Variants in PREX1 observed in about 807,000 individuals in gnomAD.
PREX1 encodes phosphatidylinositol-3,4,5-trisphosphate dependent Rac exchange factor 1.
In PREX1, 41 loss-of-function variants were observed where a neutral mutation model predicts 198.3. The observed-to-expected ratio is 0.21, with a 90% CI of 0.16 to 0.27. The LOEUF (loss-of-function observed/expected upper bound fraction) is 0.27, where lower values mean the gene tolerates loss of function less well. PREX1 is among the 10% of genes least tolerant of loss of function. The pLI is 1.00. For missense variants in PREX1, 1,620 were observed against 2,200.7 expected, an observed-to-expected ratio of 0.74 and a Z score of 5.28; for synonymous variants, 843 against 887.2, an observed-to-expected ratio of 0.95 and a Z score of 0.89.
chr20:48,645,629 G>A (rs978353802), intron 26 of PREX1, among the ~76,000 whole-genome samples: 1 of 152,196 alleles, frequency 6.6e-6, no homozygotes, highest in East Asian at 1.9e-4. Flanking sequence ...GGTCCACGTG[G>A]GGACAACCCT....
rs770782217 is a variant in PREX1 at position 48,700,894 on chromosome 20, C to T, written c.784-8G>A. On this transcript the variant is annotated splice_polypyrimidine_tract_variant and splice_region_variant and intron_variant, in intron 6 of 39. Transcript: ENST00000371941. ...GTCTGTGAGGTTGGAACCCTGGAAG[C>T]GCAATGAGGACACAGTGAATGAGCC... 1.7e-5 allele frequency: 27 copies of T among 1,614,044 alleles called. No homozygotes were observed. The highest frequency in any genetic ancestry group is 5.0e-5 in the Admixed American group (3 of 60,016).
the PREX1 span, among the ~76,000 whole-genome samples, chr20:48,883,029 G>T: frequency 6.6e-6 from 1 of 151,338 alleles, no homozygotes; most frequent in Non-Finnish European, 1.5e-5. Context: ...AGCCTCCCGG[G>T]TTCAAGCGAC....
the PREX1 span, among the ~76,000 whole-genome samples, chr20:48,863,985 T>C: frequency 6.6e-6 from 1 of 152,228 alleles, no homozygotes; most frequent in African/African-American, 2.4e-5. Context: ...TATTCCTTTG[T>C]CTGGACGTGC....
intron 14 of PREX1, among the ~76,000 whole-genome samples, chr20:48,672,249 T>C (rs1178033301): frequency 6.6e-6 from 1 of 152,242 alleles, no homozygotes; most frequent in Admixed American, 6.5e-5. Context: ...GCCAAAGGCT[T>C]TGGAGTCATT....
intron 17 of PREX1, among the ~76,000 whole-genome samples, chr20:48,657,712 G>A (rs1173005270): frequency 6.6e-6 from 1 of 152,120 alleles, no homozygotes; most frequent in East Asian, 1.9e-4. Flanking sequence ...ACCTGCACAC[G>A]CCCCAGGCAA....
At chr20:48,665,298 G>A (rs540144319) in intron 15 of PREX1, among the ~76,000 whole-genome samples, 3 of 145,486 alleles carry the variant, frequency 2.1e-5, no homozygotes, top group South Asian at 4.4e-4. Context: ...GGCTCCAGAC[G>A]GCCTGAATTC....
At chr20:48,653,873 G>A (rs911975749) in intron 19 of PREX1, among the ~76,000 whole-genome samples, 1 of 152,230 alleles carries the variant, frequency 6.6e-6, no homozygotes, top group Non-Finnish European at 1.5e-5. Flanking sequence ...TCTCTAGGCC[G>A]AATGGCCAGA....
intron 15 of PREX1, 32 bp from the exon 16 acceptor site, chr20:48,660,093 A>T (rs564564399): frequency 6.9e-6 from 11 of 1,598,446 alleles, no homozygotes; most frequent in African/African-American, 1.4e-5. Context: ...CTCAGTGGTC[A>T]GATTCACAGG....
intron 1 of PREX1, among the ~76,000 whole-genome samples, chr20:48,770,969 T>TG (rs1253593254): frequency 5.3e-5 from 8 of 152,152 alleles, no homozygotes; most frequent in Non-Finnish European, 8.8e-5. Context: ...GCACCTGCGA[T>TG]GGGGCACCAG....
chr20:48,665,934 C>A (rs1400350227), intron 15 of PREX1, among the ~76,000 whole-genome samples: 1 of 152,194 alleles, frequency 6.6e-6, no homozygotes, highest in Non-Finnish European at 1.5e-5. Flanking sequence ...CCACAGGGCA[C>A]AGCTCCTCCT....
chr20:48,679,322 G>T, intron 13 of PREX1, 38 bp downstream of exon 13: 2 of 1,577,236 alleles, frequency 1.3e-6, no homozygotes, highest in Non-Finnish European at 1.7e-6. Flanking sequence ...GCTGAGAAGA[G>T]GTAGAGGTGA....
intron 5 of PREX1, among the ~76,000 whole-genome samples, chr20:48,724,481 T>C (rs992840311): frequency 2.0e-5 from 3 of 152,238 alleles, no homozygotes; most frequent in East Asian, 1.9e-4. Flanking sequence ...AGACTGCTTA[T>C]GGCTGCAACG....
At chr20:48,795,932 T>C (rs2090360530) in intron 1 of PREX1, among the ~76,000 whole-genome samples, 1 of 152,162 alleles carries the variant, frequency 6.6e-6, no homozygotes, top group South Asian at 2.1e-4. Flanking sequence ...AAGCATGCTA[T>C]GTCACTGCTG....
At chr20:48,795,099 C>T (rs1050681395) in intron 1 of PREX1, among the ~76,000 whole-genome samples, 2 of 152,110 alleles carry the variant, frequency 1.3e-5, no homozygotes, top group Non-Finnish European at 2.9e-5. Flanking sequence ...ATTTGATGAC[C>T]GGCTTACTGT....
chr20:48,627,260 G>A (rs2089279796), intron 39 of PREX1, among the ~76,000 whole-genome samples: 1 of 151,838 alleles, frequency 6.6e-6, no homozygotes, highest in African/African-American at 2.4e-5. Context: ...CGGGGCGGGG[G>A]CTCAGGGCTG....
At chr20:48,822,637 A>G (rs568929418) in intron 1 of PREX1, among the ~76,000 whole-genome samples, 1 of 152,312 alleles carries the variant, frequency 6.6e-6, no homozygotes, top group East Asian at 1.9e-4. Context: ...ATATTCGCAT[A>G]CATATGCATA....
At chr20:48,853,286 G>T in the PREX1 span, among the ~76,000 whole-genome samples, 1 of 152,206 alleles carries the variant, frequency 6.6e-6, no homozygotes, top group African/African-American at 2.4e-5. Flanking sequence ...ATGCTGCTAT[G>T]AAGAAATACC....
At chr20:48,783,428 C>T (rs2090298744) in intron 1 of PREX1, among the ~76,000 whole-genome samples, 1 of 152,078 alleles carries the variant, frequency 6.6e-6, no homozygotes, top group South Asian at 2.1e-4. Context: ...TTTGGTTCAG[C>T]ACATGTGTAG....
the PREX1 span, among the ~76,000 whole-genome samples, chr20:48,870,313 C>T: frequency 1.3e-5 from 2 of 152,266 alleles, no homozygotes; most frequent in African/African-American, 4.8e-5. Flanking sequence ...TGCCAGTGGG[C>T]CACATCAAGC....
Sources: allele counts gnomAD v4.1 joint callset (sites outside exome capture counted in the v4.1 genomes callset), GRCh38; gene constraint gnomAD v4.1.1; transcripts MANE v1.5; gene names NCBI Gene and HGNC (gene_info 2026-07-23, HGNC 2026-07-21).